Variants in CSMD2 observed in about 807,000 individuals in gnomAD.
The protein encoded by CSMD2 is CUB and Sushi multiple domains 2.
A neutral mutation model predicts 398.5 loss-of-function variants in CSMD2; 130 were observed. The observed-to-expected ratio is 0.33, with a 90% CI of 0.28 to 0.38. CSMD2 has a LOEUF of 0.38. Among genes scored for constraint, CSMD2 ranks in the 10% least tolerant of loss-of-function variants. CSMD2 has a pLI of 1.00. For missense variants in CSMD2, 3,829 were observed against 4,764.9 expected, an observed-to-expected ratio of 0.80 and a Z score of 5.78; for synonymous variants, 1,828 against 1,908.5, an observed-to-expected ratio of 0.96 and a Z score of 1.10.
chr1:34,135,848 C>T (rs947856810), intron 1 of CSMD2, among the ~76,000 whole-genome samples: 1 of 151,990 alleles, frequency 6.6e-6, no homozygotes. Context: ...CATTTTCTTA[C>T]ATGTTTTGAA....
At position 33,626,483 on chromosome 1, in the gene CSMD2, T is replaced by C. The variant is rs1168260729; in HGVS notation, c.5296+3A>G. 6.3e-7 allele frequency: 1 copy of C among 1,599,518 alleles called. No individual in the cohort carries two copies. ...CTACCTCCGGCGTCCATGTCCTCCATACCTTGGTAGACAAAGTGGAAGCCT... is the reference window on the plus strand; with the variant it reads ...CTACCTCCGGCGTCCATGTCCTCCACACCTTGGTAGACAAAGTGGAAGCCT... On this transcript the variant is annotated splice_donor_region_variant and intron_variant, in intron 33 of 70. Transcript: ENST00000373381.
chr1:33,672,599 G>C (rs1644544226), intron 25 of CSMD2, among the ~76,000 whole-genome samples: 1 of 152,246 alleles, frequency 6.6e-6, no homozygotes, highest in Admixed American at 6.5e-5. Flanking sequence ...CTGTCTGACA[G>C]CTATGAAGAG....
chr1:33,948,821 A>G (rs1388582098), intron 3 of CSMD2, among the ~76,000 whole-genome samples: 2 of 152,190 alleles, frequency 1.3e-5, no homozygotes, highest in Non-Finnish European at 1.5e-5. Context: ...GCAGAGGTAG[A>G]TCTGACCCTA....
chr1:34,040,168 G>A (rs12124264), intron 2 of CSMD2, among the ~76,000 whole-genome samples: 3,100 of 148,980 alleles, frequency 0.021, 45 homozygotes, highest in Middle Eastern at 0.045. Flanking sequence ...TCCAGCCTGG[G>A]CAAAAAAGTG....
At chr1:33,719,749 C>G (rs1227738999) in intron 19 of CSMD2, among the ~76,000 whole-genome samples, 1 of 152,166 alleles carries the variant, frequency 6.6e-6, no homozygotes, top group African/African-American at 2.4e-5. Flanking sequence ...CCAGGTTCTT[C>G]AACTGTAATA....
chr1:33,624,470 C>T lies in CSMD2; in HGVS notation c.5625+49G>A. 3 of 1,603,994 alleles carry T rather than the reference C, an allele frequency of 1.9e-6. No homozygotes were observed. Among genetic ancestry groups the T allele is most frequent in the African/African-American group, 1.3e-5 (1 of 74,986 alleles). ...GTGGTTGTCACCTGTGAGCTGTTAC[C>T]TGGGAGCAGACGGCCACCTGCCCGA... On this transcript the variant is annotated intron_variant, in intron 35 of 70. Transcript: ENST00000373381. The surrounding 1 kb of genome is among the most constrained non-coding windows in gnomAD (Gnocchi z 4.7).
chr1:33,662,960 G>A lies in CSMD2; in HGVS notation c.4185C>T (p.Phe1395=). The part of the protein sequence containing the change: ...PALPKDLHST[F]NSVVLQFSTD... ...TGCTGAACTGCAGGACGACCGAGTT[G>A]AAGGTGCTATGCAGGTCCTTGGGCA... Residue 1395 remains phenylalanine, a synonymous_variant, in exon 26 of 71, where the codon TTC becomes TTT. Transcript: ENST00000373381. 4.3e-6 allele frequency: 7 copies of A among 1,614,194 alleles called. No individual in the cohort carries two copies. The highest frequency in any genetic ancestry group is 5.9e-6 in the Non-Finnish European group (7 of 1,180,020).
At chr1:33,864,031 A>G in intron 5 of CSMD2, 1 of 655,432 alleles carries the variant, frequency 1.5e-6, no homozygotes, top group East Asian at 2.7e-5. Flanking sequence ...CTCTGACTCA[A>G]CAATGCCATC....
At chr1:33,944,715 AC>A (rs1368291850) in intron 3 of CSMD2, among the ~76,000 whole-genome samples, 1 of 152,124 alleles carries the variant, frequency 6.6e-6, no homozygotes, top group Non-Finnish European at 1.5e-5. Context: ...GGACGGAGGT[AC>A]TACAACTGTC....
chr1:33,911,778 A>C (rs537102793), intron 5 of CSMD2, among the ~76,000 whole-genome samples: 3 of 152,320 alleles, frequency 2.0e-5, no homozygotes, highest in African/African-American at 7.2e-5. Context: ...TAGAGCAGGC[A>C]TCCTATTCTT....
intron 5 of CSMD2, among the ~76,000 whole-genome samples, chr1:33,856,215 C>T (rs1053817299): frequency 2.0e-5 from 3 of 152,196 alleles, no homozygotes; most frequent in Non-Finnish European, 2.9e-5. Flanking sequence ...TTGAACCCAA[C>T]CCTTCAGAGT....
chr1:33,743,310 C>T lies in CSMD2; in HGVS notation c.2143G>A (p.Gly715Arg), dbSNP rs1647146369. 6.2e-7 allele frequency: 1 copy of T among 1,612,562 alleles called. No individual in the cohort carries two copies. The highest frequency in any genetic ancestry group is 8.5e-7 in the Non-Finnish European group (1 of 1,179,252). Residue 715 changes from glycine (G) to arginine (R), a missense_variant, in exon 14 of 71, where the codon GGG becomes AGG. Gly to Arg is a moderately radical substitution (Grantham distance 125). Coordinates refer to ENST00000373381, the MANE Select transcript of CSMD2 (RefSeq NM_001281956.2). Reference sequence around the variant, plus strand: ...AAAGTGATGTTGAAGCCCCTCTTCCCTGTGGAGTGGTCAGTCTGGAACTCG... The same window carrying T: ...AAAGTGATGTTGAAGCCCCTCTTCCTTGTGGAGTGGTCAGTCTGGAACTCG... ...RLEFQTDHST[G>R]KRGFNITFTT...
At chr1:34,031,603 C>T (rs1398229176) in intron 3 of CSMD2, among the ~76,000 whole-genome samples, 1 of 151,878 alleles carries the variant, frequency 6.6e-6, no homozygotes. Flanking sequence ...CTCCCCTATA[C>T]CCCCTGCCAC....
intron 28 of CSMD2, among the ~76,000 whole-genome samples, chr1:33,651,842 G>A (rs1181081614): frequency 6.6e-6 from 1 of 152,178 alleles, no homozygotes; most frequent in Non-Finnish European, 1.5e-5. Flanking sequence ...AACGGGAGGT[G>A]AGGAAGTAGA....
intron 6 of CSMD2, chr1:33,838,624 A>G (rs1380432200): frequency 6.6e-6 from 1 of 152,252 alleles, no homozygotes; most frequent in Non-Finnish European, 1.5e-5. Context: ...TGCAGTGCAC[A>G]TGCTTGAGAC....
chr1:33,656,211 C>T (rs888451578), intron 27 of CSMD2, among the ~76,000 whole-genome samples: 1 of 152,120 alleles, frequency 6.6e-6, no homozygotes, highest in African/African-American at 2.4e-5. Context: ...TGGGGTTAGG[C>T]GTGTCCTCAC....
At chr1:33,907,992 C>T (rs796365367) in intron 5 of CSMD2, among the ~76,000 whole-genome samples, 12 of 138,974 alleles carry the variant, frequency 8.6e-5, no homozygotes, top group Non-Finnish European at 1.6e-4. Flanking sequence ...GAGGCCGAGA[C>T]AAGAGAATCA....
At chr1:33,741,164 C>A in intron 14 of CSMD2, among the ~76,000 whole-genome samples, 1 of 152,102 alleles carries the variant, frequency 6.6e-6, no homozygotes, top group East Asian at 1.9e-4. Context: ...AGTGGGACCA[C>A]TGATCCTTGT....
intron 22 of CSMD2, 136 bp from the exon 23 acceptor site, chr1:33,700,809 G>A (rs1011163313): frequency 2.4e-6 from 2 of 816,998 alleles, no homozygotes; most frequent in South Asian, 1.7e-5. Context: ...GTTATCAGAT[G>A]CAAGGAAGAT....
Sources: gnomAD v4.1 joint callset for allele counts (sites outside exome capture counted in the v4.1 genomes callset) on GRCh38, gnomAD v4.1.1 for gene constraint, Gnocchi (gnomAD v3.1) non-coding constraint, MANE v1.5 for transcripts, NCBI Gene and HGNC (gene_info 2026-07-23, HGNC 2026-07-21) for gene names.